Variants in AGMO observed in about 807,000 individuals in gnomAD.
AGMO encodes glyceryl-ether monooxygenase.
Under a neutral mutation model 60.2 loss-of-function variants are expected in AGMO, and 75 were observed. The ratio of observed to expected loss-of-function variants is 1.25; its 90% CI spans 1.03 to 1.51. The LOEUF (loss-of-function observed/expected upper bound fraction) is 1.51. AGMO is among the 40% of genes most tolerant of loss of function. The pLI is 0.00. For synonymous variants in AGMO, 261 were observed against 177.1 expected (o/e 1.47, Z -3.76); for missense variants, 763 against 525.5 (o/e 1.45, Z -4.42).
chr7:15,513,516 C>G (rs910529138), intron 3 of AGMO, among the ~76,000 whole-genome samples: 3 of 152,002 alleles, frequency 2.0e-5, no homozygotes, highest in African/African-American at 7.3e-5. Context: ...TTGTCAAGTC[C>G]CCATCAAGGC....
At chr7:15,204,826 TCTG>T (rs1021074026) in intron 12 of AGMO, among the ~76,000 whole-genome samples, 11 of 152,294 alleles carry the variant, frequency 7.2e-5, no homozygotes, top group Middle Eastern at 3.4e-3. Context: ...GGTGTTTTAT[TCTG>T]CTGCTCCTCT....
At chr7:15,395,635 A>C (rs557908399) in intron 5 of AGMO, among the ~76,000 whole-genome samples, 107 of 152,330 alleles carry the variant, frequency 7.0e-4, no homozygotes, top group African/African-American at 2.5e-3. Context: ...AACTGATGCA[A>C]ATTAATCAAA....
the AGMO span, among the ~76,000 whole-genome samples, chr7:15,187,016 C>G: frequency 6.6e-6 from 1 of 152,298 alleles, no homozygotes; most frequent in East Asian, 1.9e-4. Flanking sequence ...ACCTATTCAT[C>G]TTTCCCACGC....
At chr7:15,384,074 T>C (rs774951185) in intron 10 of AGMO, among the ~76,000 whole-genome samples, 1 of 152,138 alleles carries the variant, frequency 6.6e-6, no homozygotes, top group Non-Finnish European at 1.5e-5. Context: ...TAGCTGGGAC[T>C]ACAGGGCCCG....
chr7:15,357,542 G>T (rs1326772148), intron 12 of AGMO, among the ~76,000 whole-genome samples: 2 of 152,144 alleles, frequency 1.3e-5, no homozygotes, highest in Non-Finnish European at 2.9e-5. Flanking sequence ...ATTTTCGGCT[G>T]GTCTGATAAT....
chr7:15,193,958 A>T, the AGMO span, among the ~76,000 whole-genome samples: 2 of 152,176 alleles, frequency 1.3e-5, no homozygotes, highest in African/African-American at 4.8e-5. Flanking sequence ...TTCACAATAT[A>T]CCTCTCTAAA....
intron 3 of AGMO, among the ~76,000 whole-genome samples, chr7:15,486,069 T>C (rs1782913149): frequency 6.6e-6 from 1 of 152,180 alleles, no homozygotes; most frequent in South Asian, 2.1e-4. Flanking sequence ...CACTGCTTTT[T>C]CCACTGCAGC....
the AGMO span, among the ~76,000 whole-genome samples, chr7:15,167,303 C>G: frequency 6.6e-6 from 1 of 152,104 alleles, no homozygotes; most frequent in Non-Finnish European, 1.5e-5. Context: ...TAATTTCAAA[C>G]ATTGCTTTAT....
At chr7:15,549,960 A>C (rs1384424205) in intron 2 of AGMO, among the ~76,000 whole-genome samples, 5 of 150,324 alleles carry the variant, frequency 3.3e-5, no homozygotes, top group African/African-American at 1.2e-4. Flanking sequence ...AATTATAACA[A>C]ACTATCTCTC....
chr7:15,343,495 A>T (rs966504051), intron 12 of AGMO, among the ~76,000 whole-genome samples: 1 of 152,178 alleles, frequency 6.6e-6, no homozygotes, highest in Admixed American at 6.6e-5. Context: ...ATTTTTTAGT[A>T]CATACAGGTT....
chr7:15,299,244 A>C (rs541594879), intron 12 of AGMO, among the ~76,000 whole-genome samples: 2 of 152,098 alleles, frequency 1.3e-5, no homozygotes, highest in Middle Eastern at 3.4e-3. Flanking sequence ...ATATAATAAC[A>C]ATATAATATA....
chr7:15,186,479 C>T, the AGMO span, among the ~76,000 whole-genome samples: 3 of 152,126 alleles, frequency 2.0e-5, no homozygotes, highest in Non-Finnish European at 4.4e-5. Context: ...AGCTCCTAGT[C>T]TTTCACATGG....
At chr7:15,211,140 A>T (rs960531234) in intron 12 of AGMO, among the ~76,000 whole-genome samples, 1 of 152,010 alleles carries the variant, frequency 6.6e-6, no homozygotes, top group Non-Finnish European at 1.5e-5. Context: ...CAAGAGGTCA[A>T]TTTGATTTTG....
the AGMO span, among the ~76,000 whole-genome samples, chr7:15,137,582 A>C: frequency 6.6e-6 from 1 of 152,198 alleles, no homozygotes; most frequent in Non-Finnish European, 1.5e-5. Context: ...CGAGGTGGAC[A>C]TGTACAATCA....
intron 11 of AGMO, 44 bp downstream of exon 11, chr7:15,366,096 G>GA (rs774752706): frequency 6.9e-7 from 1 of 1,458,702 alleles, no homozygotes; most frequent in South Asian, 1.2e-5. Context: ...GAAAATTCTT[G>GA]AATTGAGTAA....
At position 15,560,193 on chromosome 7, in the gene AGMO, G is replaced by T. The variant is rs1785266317; in HGVS notation, c.205C>A (p.Leu69Met). The part of the protein sequence containing the change: ...WILKGKPPGR[L>M]DDALTSISAG... ...GAGATTGACGTTAAAGCATCATCCA[G>T]GCGACCTGGTGGCTTTCCTTTGAGA... The change falls in exon 2 of 13, where the codon CTG becomes ATG. Residue 69 changes from leucine to methionine, a missense_variant. Physicochemically the swap from Leu to Met is conservative, Grantham distance 15 (BLOSUM62 2). Coordinates refer to ENST00000342526, the MANE Select transcript of AGMO (RefSeq NM_001004320.2). 1.2e-6 allele frequency: 2 copies of T among 1,613,074 alleles called. No homozygotes were observed. The highest frequency in any genetic ancestry group is 1.7e-5 in the Admixed American group (1 of 59,930).
chr7:15,381,821 C>G (rs1650133472), intron 10 of AGMO, among the ~76,000 whole-genome samples: 1 of 152,142 alleles, frequency 6.6e-6, no homozygotes, highest in Non-Finnish European at 1.5e-5. Flanking sequence ...TAAGTATACA[C>G]CATGGAATAC....
At chr7:15,350,512 A>C (rs1209895078) in intron 12 of AGMO, among the ~76,000 whole-genome samples, 7 of 152,154 alleles carry the variant, frequency 4.6e-5, no homozygotes, top group African/African-American at 1.7e-4. Context: ...TCTTATATTT[A>C]GAGAGCTTAC....
At chr7:15,241,154 A>T (rs1275998023) in intron 12 of AGMO, among the ~76,000 whole-genome samples, 1 of 151,954 alleles carries the variant, frequency 6.6e-6, no homozygotes, top group South Asian at 2.1e-4. Context: ...TCAAGCCAAC[A>T]TGGTAACATC....
Sources: gnomAD v4.1 joint callset for allele counts (sites outside exome capture counted in the v4.1 genomes callset) on GRCh38, gnomAD v4.1.1 for gene constraint, MANE v1.5 for transcripts, NCBI Gene and HGNC (gene_info 2026-07-23, HGNC 2026-07-21) for gene names.